The following LGSN variants were observed in gnomAD, a reference collection of about 807,000 sequenced individuals.
LGSN encodes the protein lengsin, lens protein with glutamine synthetase domain.
A neutral mutation model predicts 19.5 loss-of-function variants in LGSN; 21 were observed. The ratio of observed to expected loss-of-function variants is 1.07; its 90% CI spans 0.76 to 1.55. The LOEUF is 1.55. LGSN is among the 40% of genes most tolerant of loss of function. The pLI is 0.00. For synonymous variants in LGSN, 257 were observed against 215.6 expected (o/e 1.19, Z -1.68); for missense variants, 673 against 608.5 (o/e 1.11, Z -1.12).
chr6:63,390,575 G>A, the LGSN span, among the ~76,000 whole-genome samples: 8 of 151,724 alleles, frequency 5.3e-5, no homozygotes, highest in East Asian at 1.4e-3. Context: ...AATTGGAATC[G>A]GCCAGGCGCG....
the LGSN span, among the ~76,000 whole-genome samples, chr6:63,398,535 GTGTT>G: frequency 1.3e-5 from 2 of 152,066 alleles, no homozygotes; most frequent in African/African-American, 2.4e-5. Context: ...GCTGTACAAT[GTGTT>G]TGTGTTTTAA....
the LGSN span, among the ~76,000 whole-genome samples, chr6:63,369,615 A>G: frequency 3.9e-5 from 6 of 152,206 alleles, no homozygotes; most frequent in Non-Finnish European, 5.9e-5. Flanking sequence ...GCAATAAGAA[A>G]ATGAATATTC....
chr6:63,336,423 C>T, the LGSN span, among the ~76,000 whole-genome samples: 51 of 151,916 alleles, frequency 3.4e-4, no homozygotes, highest in South Asian at 0.01. Context: ...CCTGCACTTA[C>T]TTATGCTTCA....
At chr6:63,449,768 G>A in the LGSN span, among the ~76,000 whole-genome samples, 14 of 152,116 alleles carry the variant, frequency 9.2e-5, no homozygotes, top group South Asian at 2.9e-3. Context: ...AATAGTGGTT[G>A]GATCCTAAGA....
chr6:63,507,020 C>T, the LGSN span, among the ~76,000 whole-genome samples: 3 of 152,076 alleles, frequency 2.0e-5, no homozygotes, highest in Non-Finnish European at 2.9e-5. Flanking sequence ...TGCCTTACCC[C>T]GACAAACCAG....
At chr6:63,522,458 C>T in the LGSN span, among the ~76,000 whole-genome samples, 1 of 152,130 alleles carries the variant, frequency 6.6e-6, no homozygotes, top group Non-Finnish European at 1.5e-5. Flanking sequence ...TGAAACAGAC[C>T]AAATGCCAGA....
chr6:63,536,789 T>G, the LGSN span, among the ~76,000 whole-genome samples: 1 of 152,286 alleles, frequency 6.6e-6, no homozygotes, highest in African/African-American at 2.4e-5. Flanking sequence ...TTATATTATT[T>G]ATGTAAATAA....
At chr6:63,554,764 G>C in the LGSN span, among the ~76,000 whole-genome samples, 1 of 152,146 alleles carries the variant, frequency 6.6e-6, no homozygotes, top group African/African-American at 2.4e-5. Flanking sequence ...TCTAGCCTGG[G>C]TGACAGAGTG....
the LGSN span, among the ~76,000 whole-genome samples, chr6:63,351,179 C>G: frequency 1.3e-5 from 2 of 152,072 alleles, no homozygotes; most frequent in East Asian, 3.9e-4. Context: ...AAAACCCTGT[C>G]TGTGAGGAAG....
the LGSN span, chr6:63,441,102 G>C: frequency 1.1e-5 from 2 of 174,202 alleles, no homozygotes; most frequent in South Asian, 1.3e-4. Flanking sequence ...CCAGCTACTC[G>C]GGAGGCTGAG....
rs1767283194 is a variant in LGSN, at chr6:63,280,931, A to G, written c.620T>C (p.Ile207Thr). Reference sequence around the variant, plus strand: ...CACACCAAAAATGCAAAAATCATAGATGAAAGCAGAAAGCAGGGAAAAGCC... The same window carrying G: ...CACACCAAAAATGCAAAAATCATAGGTGAAAGCAGAAAGCAGGGAAAAGCC... ...ASGFSLLSAF[I>T]YDFCIFGVPE... Residue 207 changes from isoleucine (I) to threonine (T), a missense_variant, in exon 4 of 4, where the codon ATC (isoleucine) becomes ACC (threonine). Transcript: ENST00000370657. 6.2e-7 allele frequency: 1 copy of G among 1,614,172 alleles called. No homozygotes were observed. Among genetic ancestry groups the G allele is most frequent in the Non-Finnish European group, 8.5e-7 (1 of 1,180,032 alleles).
the LGSN span, among the ~76,000 whole-genome samples, chr6:63,428,692 C>T: frequency 6.6e-6 from 1 of 152,184 alleles, no homozygotes; most frequent in African/African-American, 2.4e-5. Context: ...CCAGCACAGC[C>T]TTCACAACAA....
the LGSN span, among the ~76,000 whole-genome samples, chr6:63,499,306 A>T: frequency 1.7e-4 from 26 of 152,120 alleles, no homozygotes; most frequent in Admixed American, 5.2e-4. Context: ...TGCAAGAAAA[A>T]GTATAGTACA....
chr6:63,496,970 T>C, the LGSN span, among the ~76,000 whole-genome samples: 1 of 152,084 alleles, frequency 6.6e-6, no homozygotes, highest in Admixed American at 6.6e-5. Flanking sequence ...ATTTGAAGGT[T>C]ACAACAAAAA....
At chr6:63,412,443 CAAGAAAGA>C in the LGSN span, among the ~76,000 whole-genome samples, 1 of 75,370 alleles carries the variant, frequency 1.3e-5, no homozygotes, top group African/African-American at 5.5e-5. Context: ...AGAAAGAAAG[CAAGAAAGA>C]AAGAAAGAAA....
At chr6:63,511,649 T>C in the LGSN span, among the ~76,000 whole-genome samples, 1 of 152,360 alleles carries the variant, frequency 6.6e-6, no homozygotes, top group Middle Eastern at 3.4e-3. Flanking sequence ...CTAGATGTTT[T>C]GGATTATAGA....
chr6:63,363,077 C>T, the LGSN span, among the ~76,000 whole-genome samples: 1 of 152,214 alleles, frequency 6.6e-6, no homozygotes, highest in Non-Finnish European at 1.5e-5. Flanking sequence ...GATACCCAGG[C>T]AAACAGGGTC....
At chr6:63,481,716 CT>C in the LGSN span, 1 of 184,530 alleles carries the variant, frequency 5.4e-6, no homozygotes, top group South Asian at 1.0e-4. Context: ...AAGCAGTCCG[CT>C]TAGTCTGGGG....
the LGSN span, among the ~76,000 whole-genome samples, chr6:63,482,235 C>A: frequency 2.0e-5 from 3 of 152,110 alleles, no homozygotes; most frequent in African/African-American, 7.2e-5. Context: ...AGAACCTGAA[C>A]TTTTAGTTCA....
Sources: allele counts gnomAD v4.1 joint callset (sites outside exome capture counted in the v4.1 genomes callset), GRCh38; gene constraint gnomAD v4.1.1; transcripts MANE v1.5; gene names NCBI Gene and HGNC (gene_info 2026-07-23, HGNC 2026-07-21).